Variants in PPP2R5C observed in about 807,000 individuals in gnomAD.
The protein encoded by PPP2R5C is protein phosphatase 2 regulatory subunit B'gamma, also known as serine/threonine-protein phosphatase 2A 56 kDa regulatory subunit gamma isoform.
Under a neutral mutation model 68.9 loss-of-function variants are expected in PPP2R5C, and 7 were observed. The observed-to-expected ratio is 0.10, with a 90% confidence interval of 0.06 to 0.19. The LOEUF is 0.19. Ranked by LOEUF, PPP2R5C falls within the 10% of genes least tolerant of loss-of-function variation. The pLI, the probability that PPP2R5C is intolerant of heterozygous loss-of-function variation, is 1.00. For missense variants in PPP2R5C, 348 were observed against 641.3 expected (o/e 0.54, Z 4.94); for synonymous variants, 210 against 222.2 (o/e 0.95, Z 0.49).
In PPP2R5C at chr14:101,913,156, T is replaced by C. The variant is rs963290150; in HGVS notation, c.1326+683T>C. Among the ~76,000 whole-genome samples, 8 of 152,248 alleles carry C rather than the reference T, an allele frequency of 5.3e-5. No individual in the cohort carries two copies. Among genetic ancestry groups the C allele is most frequent in the Non-Finnish European group, 1.2e-4 (8 of 68,050 alleles). On this transcript the variant is annotated intron_variant, in intron 12 of 13. Transcript: ENST00000334743. This position sits in a 1 kb window ranked among gnomAD's most constrained non-coding sequence, Gnocchi z 4.1. ...AAATGACTAGAGCGTTATGACAGTT[T>C]CTTCACGTTCTGTGTGCCTGATTAT...
intron 2 of PPP2R5C, among the ~76,000 whole-genome samples, chr14:101,769,533 C>T (rs912912727): frequency 1.3e-5 from 2 of 152,148 alleles, no homozygotes; most frequent in Non-Finnish European, 2.9e-5. Flanking sequence ...GCTTATTTAT[C>T]ACTTTTTTGA....
rs2038656469 is a variant in PPP2R5C at position 101,797,256 on chromosome 14, G to A, written c.259+11073G>A. 2.2e-6 allele frequency: 1 copy of A among 456,064 alleles called. No homozygotes were observed. Among genetic ancestry groups the A allele is most frequent in the South Asian group, 1.5e-5 (1 of 64,560 alleles). 28.3% of individuals were successfully genotyped at this position (456,064 alleles called of 1,614,324 possible). On this transcript the variant is annotated intron_variant, in intron 3 of 14. Coordinates refer to the PPP2R5C transcript ENST00000328724. The surrounding 1 kb of genome is among the most constrained non-coding windows in gnomAD (Gnocchi z 4.2). ...GTGCCAGACCCTCGCTCCCGTCGAA[G>A]GCTGATGCCATCCTTCAGTGATGTG...
rs2041865236 is a variant in PPP2R5C at position 101,846,970 on chromosome 14, T to C, written c.95-9716T>C. On this transcript the variant is annotated intron_variant, in intron 1 of 13. Transcript: ENST00000334743. ...GATTCCACAGAAGAGAAATGCCTAC[T>C]AAGAGCAGTTTCTTTGAAGACCTGA... is the stretch of plus-strand genomic sequence containing the variant. 1.3e-5 allele frequency among the ~76,000 whole-genome samples: 2 copies of C among 152,232 alleles called. 1 individual carries two copies. Among genetic ancestry groups the C allele is most frequent in the African/African-American group, 4.8e-5 (2 of 41,452 alleles).
At chr14:101,838,855 C>T (rs2041278948) in intron 1 of PPP2R5C, among the ~76,000 whole-genome samples, 1 of 152,058 alleles carries the variant, frequency 6.6e-6, no homozygotes, top group South Asian at 2.1e-4. Context: ...ACCAGCCTGG[C>T]CAACATGGTG....
At chr14:101,784,528 A>G (rs1183169764) in intron 2 of PPP2R5C, among the ~76,000 whole-genome samples, 1 of 151,932 alleles carries the variant, frequency 6.6e-6, no homozygotes, top group Non-Finnish European at 1.5e-5. Context: ...GGGAACTGCC[A>G]AACACTTGTA....
chr14:101,848,158 CTTAA>C (rs1365276169), intron 1 of PPP2R5C, among the ~76,000 whole-genome samples: 1 of 152,112 alleles, frequency 6.6e-6, no homozygotes, highest in Non-Finnish European at 1.5e-5. Context: ...AGATCCTTAT[CTTAA>C]TTGGGAAAGT....
At chr14:101,844,502 A>G (rs1445867750) in intron 1 of PPP2R5C, among the ~76,000 whole-genome samples, 1 of 152,088 alleles carries the variant, frequency 6.6e-6, no homozygotes. Context: ...CCGCATGCTC[A>G]TTGGGTTGTG....
At chr14:101,856,816 A>C (rs1044877742) in exon 2 of PPP2R5C, 1 of 1,614,048 alleles carries the variant, frequency 6.2e-7, no homozygotes, top group African/African-American at 1.3e-5. Flanking sequence ...CTTTAAGTGA[A>C]ATGGTAGAAT....
upstream of PPP2R5C, among the ~76,000 whole-genome samples, chr14:101,761,359 A>G (rs1221976580): frequency 6.6e-6 from 1 of 151,952 alleles, no homozygotes; most frequent in Non-Finnish European, 1.5e-5. Context: ...CCGCAGTCGC[A>G]GCCACATGCT....
intron 2 of PPP2R5C, among the ~76,000 whole-genome samples, chr14:101,876,981 C>T (rs2043825534): frequency 1.7e-5 from 2 of 120,442 alleles, no homozygotes; most frequent in African/African-American, 3.2e-5. Context: ...TGGAGTCTCA[C>T]TCTATTGCCC....
intron 1 of PPP2R5C, among the ~76,000 whole-genome samples, chr14:101,810,788 CTT>C (rs2039314076): frequency 6.6e-6 from 1 of 152,148 alleles, no homozygotes; most frequent in African/African-American, 2.4e-5. Flanking sequence ...GGTTTCAAAA[CTT>C]AGCCTAAAAG....
chr14:101,826,110 C>T (rs2040385809), intron 1 of PPP2R5C, among the ~76,000 whole-genome samples: 1 of 152,146 alleles, frequency 6.6e-6, no homozygotes, highest in African/African-American at 2.4e-5. Flanking sequence ...GTCTTTTTCA[C>T]TGTCTTGATG....
At chr14:101,903,926 G>A (rs1282957816) in intron 9 of PPP2R5C, among the ~76,000 whole-genome samples, 3 of 151,882 alleles carry the variant, frequency 2.0e-5, no homozygotes, top group Admixed American at 6.6e-5. Flanking sequence ...CGCCCACCTC[G>A]GCCTCCCAAA....
chr14:101,800,585 T>A (rs573469476), intron 3 of PPP2R5C, among the ~76,000 whole-genome samples: 1 of 149,996 alleles, frequency 6.7e-6, no homozygotes, highest in Non-Finnish European at 1.5e-5. Flanking sequence ...AAATTAAAAA[T>A]ATATATAAAA....
In PPP2R5C at chr14:101,781,794, G is replaced by A. The variant is rs891788677; in HGVS notation, c.94-4224G>A. Among the ~76,000 whole-genome samples the A allele has an allele frequency of 6.6e-6, 1 of 151,720 alleles. No homozygotes were observed. The highest frequency in any genetic ancestry group is 1.5e-5 in the Non-Finnish European group (1 of 67,892). On this transcript the variant is annotated intron_variant, in intron 2 of 14. Transcript: ENST00000328724. The surrounding 1 kb of genome is among the most constrained non-coding windows in gnomAD (Gnocchi z 6.4). ...GCTCCAACCCTCTGCTTGGCCGCCC[G>A]CGAACCGCGCTCTCCCGTTTCCTTT...
intron 2 of PPP2R5C, among the ~76,000 whole-genome samples, chr14:101,860,335 A>G (rs926744586): frequency 7.9e-5 from 12 of 152,156 alleles, no homozygotes; most frequent in South Asian, 2.1e-4. Context: ...TTCACTTAGC[A>G]TAATGTTCTC....
At chr14:101,813,049 T>C (rs559802694) in intron 1 of PPP2R5C, among the ~76,000 whole-genome samples, 18 of 152,320 alleles carry the variant, frequency 1.2e-4, no homozygotes, top group Non-Finnish European at 2.4e-4. Context: ...GTGACATAAA[T>C]CCTCACTCTC....
At chr14:101,921,757 T>C (rs2047017794) in intron 13 of PPP2R5C, among the ~76,000 whole-genome samples, 1 of 152,216 alleles carries the variant, frequency 6.6e-6, no homozygotes, top group South Asian at 2.1e-4. Context: ...TGAGAGGTAG[T>C]TGAAGGAATA....
At chr14:101,836,122 T>G in intron 1 of PPP2R5C, 1 of 670,058 alleles carries the variant, frequency 1.5e-6, no homozygotes, top group Non-Finnish European at 2.7e-6. Flanking sequence ...CAACAATAAA[T>G]AAGAAACTGA....
Sources: gnomAD v4.1 joint callset for allele counts (sites outside exome capture counted in the v4.1 genomes callset) on GRCh38, gnomAD v4.1.1 for gene constraint, Gnocchi (gnomAD v3.1) non-coding constraint, MANE v1.5 for transcripts, NCBI Gene and HGNC (gene_info 2026-07-23, HGNC 2026-07-21) for gene names.